RSRC1: variants seen among roughly 807,000 people sequenced by gnomAD.
RSRC1 encodes the protein serine/Arginine-related protein 53.
RSRC1 carries 39 observed loss-of-function variants against 49.1 expected under a neutral mutation model. The observed-to-expected ratio is 0.79, with a 90% CI of 0.61 to 1.04. The LOEUF (loss-of-function observed/expected upper bound fraction) is 1.04. Among genes scored for constraint, RSRC1 ranks in the 50% least tolerant of loss-of-function variants. The pLI, the probability that RSRC1 is intolerant of heterozygous loss-of-function variation, is 0.00. For missense variants in RSRC1, 388 were observed against 402.4 expected, an observed-to-expected ratio of 0.96 and a Z score of 0.31; for synonymous variants, 143 against 130.8, an observed-to-expected ratio of 1.09 and a Z score of -0.63.
At chr3:158,413,541 A>G (rs143124488) in intron 6 of RSRC1, among the ~76,000 whole-genome samples, 1,957 of 152,296 alleles carry the variant, frequency 0.013, 26 homozygotes, top group Non-Finnish European at 0.019. Context: ...CTATCATCAG[A>G]GTCAGCAGAC....
chr3:158,194,571 T>C (rs1362791144), intron 3 of RSRC1, among the ~76,000 whole-genome samples: 1 of 151,186 alleles, frequency 6.6e-6, no homozygotes, highest in Non-Finnish European at 1.5e-5. Context: ...TATGTATACA[T>C]GTGCCATGTT....
At chr3:158,382,112 G>C (rs1041633805) in intron 6 of RSRC1, among the ~76,000 whole-genome samples, 1 of 151,994 alleles carries the variant, frequency 6.6e-6, no homozygotes, top group Non-Finnish European at 1.5e-5. Context: ...TAGAAACTGA[G>C]ATACAAACAT....
intron 6 of RSRC1, among the ~76,000 whole-genome samples, chr3:158,434,278 C>A (rs1423673924): frequency 3.3e-5 from 5 of 151,726 alleles, no homozygotes; most frequent in African/African-American, 1.2e-4. Context: ...TTAGGTGATG[C>A]TTTTAGGTAG....
chr3:158,517,058 T>C (rs932230696), intron 7 of RSRC1, among the ~76,000 whole-genome samples: 6 of 152,254 alleles, frequency 3.9e-5, no homozygotes, highest in African/African-American at 1.2e-4. Flanking sequence ...ACCCGTCTTC[T>C]GCGTCGCTCA....
intron 7 of RSRC1, among the ~76,000 whole-genome samples, chr3:158,524,185 T>C (rs1170310679): frequency 6.6e-6 from 1 of 152,106 alleles, no homozygotes; most frequent in African/African-American, 2.4e-5. Context: ...AAAGTTTGCT[T>C]AACTTTAATT....
intron 3 of RSRC1, among the ~76,000 whole-genome samples, chr3:158,199,965 A>G (rs1720935092): frequency 7.2e-6 from 1 of 139,652 alleles, no homozygotes; most frequent in African/African-American, 2.5e-5. Context: ...TTTCTGAAGT[A>G]TAGTTTATGT....
At chr3:158,300,955 A>T (rs570157083) in intron 5 of RSRC1, among the ~76,000 whole-genome samples, 3 of 152,272 alleles carry the variant, frequency 2.0e-5, no homozygotes, top group East Asian at 3.9e-4. Context: ...AGGGGAAAGC[A>T]AGTGTGGATC....
intron 6 of RSRC1, among the ~76,000 whole-genome samples, chr3:158,426,627 T>C (rs1735460753): frequency 6.6e-6 from 1 of 151,746 alleles, no homozygotes; most frequent in Non-Finnish European, 1.5e-5. Flanking sequence ...ATTCTTTATG[T>C]TTTTAGTATG....
chr3:158,235,086 A>C (rs1723168490), intron 4 of RSRC1, among the ~76,000 whole-genome samples: 1 of 152,150 alleles, frequency 6.6e-6, no homozygotes, highest in African/African-American at 2.4e-5. Flanking sequence ...AACATAATAT[A>C]ATAGCCACCA....
At chr3:158,511,841 T>G (rs1450675292) in intron 7 of RSRC1, among the ~76,000 whole-genome samples, 1 of 151,998 alleles carries the variant, frequency 6.6e-6, no homozygotes, top group Admixed American at 6.6e-5. Context: ...GGTATCTCAT[T>G]GTGGTTTTGA....
chr3:158,270,104 C>G (rs1008361087), intron 4 of RSRC1, among the ~76,000 whole-genome samples: 1 of 152,008 alleles, frequency 6.6e-6, no homozygotes, highest in African/African-American at 2.4e-5. Flanking sequence ...TGTTGGAACC[C>G]GCTTGTGACT....
intron 6 of RSRC1, among the ~76,000 whole-genome samples, chr3:158,422,220 C>T (rs1451672748): frequency 2.7e-5 from 3 of 110,678 alleles, no homozygotes; most frequent in African/African-American, 1.0e-4. Flanking sequence ...TGCTATCCCT[C>T]CCCCCTCCCC....
intron 6 of RSRC1, among the ~76,000 whole-genome samples, chr3:158,363,512 G>A (rs554809856): frequency 6.5e-4 from 99 of 152,174 alleles, no homozygotes; most frequent in African/African-American, 2.2e-3. Context: ...TGATCTGACC[G>A]CCTCGGCCTC....
At position 158,121,974 on chromosome 3, in the gene RSRC1, C is replaced by T. The variant is rs531523970; in HGVS notation, c.-2-129C>T. The T allele has an allele frequency of 1.9e-4, 98 of 510,674 alleles. 3 individuals are homozygous for T. In the South Asian group the frequency reaches 5.0e-3, roughly 26 times the overall value. 31.6% of individuals were successfully genotyped at this position (510,674 alleles called of 1,614,324 possible). A position where few individuals can be genotyped will look rare whatever the true frequency, so the allele number is the denominator to read the frequency against. ...GAGCAATGATTGTACCACTACACTC[C>T]AGCCTGGGATACAGAGGGAGACCCC... On this transcript the variant is annotated intron_variant, in intron 1 of 9. Coordinates refer to ENST00000611884, the MANE Select transcript of RSRC1 (RefSeq NM_001271838.2).
chr3:158,428,578 A>G (rs1201943736), intron 6 of RSRC1, among the ~76,000 whole-genome samples: 1 of 151,900 alleles, frequency 6.6e-6, no homozygotes, highest in Non-Finnish European at 1.5e-5. Flanking sequence ...TAATACATGT[A>G]AAATGTTTAG....
chr3:158,212,681 G>T (rs1207399027), intron 4 of RSRC1, among the ~76,000 whole-genome samples: 2 of 151,840 alleles, frequency 1.3e-5, no homozygotes, highest in African/African-American at 4.8e-5. Flanking sequence ...CCTTTAGTAA[G>T]GTTATGAATG....
chr3:158,465,918 G>A (rs764810192), intron 7 of RSRC1, among the ~76,000 whole-genome samples: 40 of 152,058 alleles, frequency 2.6e-4, no homozygotes, highest in Admixed American at 1.1e-3. Flanking sequence ...TTTTCCTCAA[G>A]TTCTTATTTA....
At chr3:158,533,329 C>T (rs1712518256) in intron 7 of RSRC1, among the ~76,000 whole-genome samples, 1 of 151,736 alleles carries the variant, frequency 6.6e-6, no homozygotes, top group East Asian at 1.9e-4. Flanking sequence ...TGGCTTTCTC[C>T]TATCTGCTCT....
chr3:158,430,264 G>A (rs1452901526), intron 6 of RSRC1, among the ~76,000 whole-genome samples: 1 of 151,798 alleles, frequency 6.6e-6, no homozygotes, highest in African/African-American at 2.4e-5. Context: ...AACTTTCAAA[G>A]CAGCGATGGC....
Sources: allele counts gnomAD v4.1 joint callset (sites outside exome capture counted in the v4.1 genomes callset), GRCh38; gene constraint gnomAD v4.1.1; transcripts MANE v1.5; gene names NCBI Gene and HGNC (gene_info 2026-07-23, HGNC 2026-07-21).